The following SPATC1L variants were observed in gnomAD, a reference collection of about 807,000 sequenced individuals.
The protein encoded by SPATC1L is speriolin-like protein.
Under a neutral mutation model 21.2 loss-of-function variants are expected in SPATC1L, and 20 were observed. That is an observed-to-expected ratio of 0.94 (90% CI 0.66 to 1.37). SPATC1L has a LOEUF of 1.37. Ranked by LOEUF, SPATC1L falls within the 40% of genes most tolerant of loss-of-function variation. The pLI is 0.00. For missense variants in SPATC1L, 499 were observed against 478.7 expected (o/e 1.04, Z -0.40); for synonymous variants, 290 against 234.5 (o/e 1.24, Z -2.16).
Position 46,161,804 on chromosome 21 carries a change from C to T in SPATC1L, c.697-99G>A, listed in dbSNP as rs1417692293. On this transcript the variant is annotated intron_variant, in intron 4 of 4. Coordinates refer to ENST00000291672, the MANE Select transcript of SPATC1L (RefSeq NM_001142854.2). ...TCCCTGCCCCGCCCGCCTGGGTCCC[C>T]GGGGTCCCCTCCTGCGGACAGTGCC... The T allele has an allele frequency of 5.3e-6, 8 of 1,497,620 alleles. No homozygotes were observed. In the East Asian group the frequency reaches 1.2e-4, roughly 23 times the overall value. 92.8% of individuals were successfully genotyped at this position (1,497,620 alleles called of 1,614,324 possible).
intron 2 of SPATC1L, among the ~76,000 whole-genome samples, chr21:46,181,535 G>A (rs1366572667): frequency 6.6e-6 from 1 of 152,222 alleles, no homozygotes; most frequent in Admixed American, 6.5e-5. Flanking sequence ...GCTGCGGAGA[G>A]TGCCTCCTGC....
chr21:46,162,149 G>A (rs2079503823), intron 3 of SPATC1L, 82 bp from the exon 4 acceptor site: 5 of 1,421,812 alleles, frequency 3.5e-6, no homozygotes, highest in South Asian at 1.4e-5. Context: ...CACGTGGGGG[G>A]CGGCTCCTCC....
At chr21:46,163,022 C>T (rs980551533) in intron 3 of SPATC1L, among the ~76,000 whole-genome samples, 1 of 152,226 alleles carries the variant, frequency 6.6e-6, no homozygotes, top group Admixed American at 6.5e-5. Context: ...TGACCTTGTC[C>T]ATCTTTTTCC....
intron 2 of SPATC1L, among the ~76,000 whole-genome samples, chr21:46,181,902 A>G (rs1035526278): frequency 6.6e-6 from 1 of 152,210 alleles, no homozygotes; most frequent in Non-Finnish European, 1.5e-5. Context: ...ACCCCAAATC[A>G]CATGCAGGAA....
rs558028829 is a variant in SPATC1L at position 46,162,459 on chromosome 21, T to C, written c.545-392A>G. On this transcript the variant is annotated intron_variant, in intron 3 of 4. Transcript: ENST00000291672. ...GCCCGTGGAACAGGGCCGGTCGGCT[T>C]GGCTGGGAGGAAGGGGGAGAGTTCT... Among the ~76,000 whole-genome samples the C allele has an allele frequency of 1.4e-4, 21 of 152,186 alleles. No homozygotes were observed. The South Asian group carries it at 4.3e-3, about 32-fold the overall frequency.
intron 2 of SPATC1L, among the ~76,000 whole-genome samples, chr21:46,181,781 G>A (rs1489638055): frequency 2.0e-5 from 3 of 152,190 alleles, no homozygotes; most frequent in African/African-American, 7.2e-5. Context: ...TCCGGGCCCG[G>A]CCCGGTGGGA....
intron 2 of SPATC1L, among the ~76,000 whole-genome samples, chr21:46,172,082 T>C: frequency 7.5e-6 from 1 of 133,406 alleles, no homozygotes; most frequent in South Asian, 2.5e-4. Flanking sequence ...AGGCGGGGGA[T>C]GCACAGAGCA....
At chr21:46,163,122 T>G (rs187425009) in intron 3 of SPATC1L, among the ~76,000 whole-genome samples, 1 of 152,220 alleles carries the variant, frequency 6.6e-6, no homozygotes, top group Admixed American at 6.5e-5. Context: ...ATTTATATAC[T>G]GTATCTTCTT....
In SPATC1L at chr21:46,161,491, C is replaced by G; in HGVS notation, c.911G>C (p.Arg304Pro). ...NPLHSSPAAL[R>P]KLVIDVVPPK... ...GGGCACCACGTCGATGACCAGCTTG[C>G]GCAGCGCGGCCGGGCTGCTGTGCAG... Residue 304 changes from arginine (R) to proline (P), a missense_variant, in exon 5 of 5, where the codon CGC becomes CCC. Arg to Pro is a moderately radical substitution (Grantham distance 103). Transcript: ENST00000291672. The G allele has an allele frequency of 1.2e-6, 2 of 1,605,708 alleles. No homozygotes were observed. The highest frequency in any genetic ancestry group is 4.5e-5 in the East Asian group (2 of 44,602).
chr21:46,181,805 C>T (rs1350478942), intron 2 of SPATC1L, among the ~76,000 whole-genome samples: 2 of 152,094 alleles, frequency 1.3e-5, no homozygotes, highest in Non-Finnish European at 2.9e-5. Context: ...TGAGGTTGGC[C>T]GTGGGAATCC....
intron 2 of SPATC1L, among the ~76,000 whole-genome samples, chr21:46,169,157 T>C (rs2079563286): frequency 6.6e-6 from 1 of 152,282 alleles, no homozygotes; most frequent in African/African-American, 2.4e-5. Flanking sequence ...ACTGAATTTT[T>C]AACCCTTGCC....
At chr21:46,163,352 G>T (rs1374694211) in intron 3 of SPATC1L, among the ~76,000 whole-genome samples, 1 of 152,152 alleles carries the variant, frequency 6.6e-6, no homozygotes, top group African/African-American at 2.4e-5. Flanking sequence ...TACTTTTGAT[G>T]AAGTCCAATT....
At chr21:46,175,312 A>T (rs1026616973) in intron 2 of SPATC1L, among the ~76,000 whole-genome samples, 3 of 152,170 alleles carry the variant, frequency 2.0e-5, no homozygotes, top group African/African-American at 7.2e-5. Context: ...ACCAAAATCA[A>T]AGCTGAACTG....
chr21:46,172,783 G>A (rs958874747), intron 2 of SPATC1L, among the ~76,000 whole-genome samples: 15 of 152,360 alleles, frequency 9.8e-5, no homozygotes, highest in African/African-American at 3.1e-4. Context: ...CATCTTCAGA[G>A]GGAAGGTGCT....
At position 46,163,590 on chromosome 21, in the gene SPATC1L, C is replaced by A. The variant is rs28826004; in HGVS notation, c.545-1523G>T. 2.6e-5 allele frequency among the ~76,000 whole-genome samples: 4 copies of A among 152,322 alleles called. No homozygotes were observed. In the South Asian group the frequency reaches 8.3e-4, roughly 32 times the overall value. On this transcript the variant is annotated intron_variant, in intron 3 of 4. Coordinates refer to ENST00000291672, the MANE Select transcript of SPATC1L (RefSeq NM_001142854.2). The stretch of plus-strand genomic sequence containing the variant: ...TGGATACCTCTTTGTTCCAGCACCA[C>A]GCGTTAGACAGTATTCAGTCCCTCC...
Position 46,164,021 on chromosome 21 carries a change from T to G in SPATC1L, c.545-1954A>C, listed in dbSNP as rs551075131. Among the ~76,000 whole-genome samples the G allele has an allele frequency of 2.5e-4, 38 of 152,304 alleles. No individual in the cohort carries two copies. The Middle Eastern group carries it at 0.014, about 55-fold the overall frequency. On this transcript the variant is annotated intron_variant, in intron 3 of 4. Coordinates refer to ENST00000291672, the MANE Select transcript of SPATC1L (RefSeq NM_001142854.2). ...TTATTTATTGTTTGTTTGTTTGTTT[T>G]TTTGAAGAAAGGGTCTCGCTCTGTC...
chr21:46,164,810 A>C (rs1266246972), intron 3 of SPATC1L, among the ~76,000 whole-genome samples: 1 of 151,646 alleles, frequency 6.6e-6, no homozygotes, highest in East Asian at 1.9e-4. Context: ...AAAAAAAAAA[A>C]AGAATCAAGC....
At chr21:46,163,040 C>G (rs575527366) in intron 3 of SPATC1L, among the ~76,000 whole-genome samples, 1 of 152,194 alleles carries the variant, frequency 6.6e-6, no homozygotes, top group Admixed American at 6.5e-5. Context: ...TCCTGGAGGA[C>G]GGGAAACAGT....
rs557963450 is a variant in SPATC1L at position 46,182,772 on chromosome 21, G to A, written c.45C>T (p.Asn15=). 1.4e-4 allele frequency: 217 copies of A among 1,547,112 alleles called. No individual in the cohort carries two copies. The highest frequency in any genetic ancestry group is 2.9e-4 in the Admixed American group (15 of 50,912). Reference sequence around the variant, plus strand: ...GGCGCACCTGCTTCTTCAGGTCCGCGTTCTCGCTCAGGAGCCGGCTCATCA... The same window carrying A: ...GGCGCACCTGCTTCTTCAGGTCCGCATTCTCGCTCAGGAGCCGGCTCATCA... The part of the protein sequence containing the change: ...GELMSRLLSE[N]ADLKKQVRLL... The change falls in exon 2 of 5, where the codon AAC becomes AAT. Residue 15 remains asparagine, a synonymous_variant. Transcript: ENST00000291672.
Sources: allele counts gnomAD v4.1 joint callset (sites outside exome capture counted in the v4.1 genomes callset), GRCh38; gene constraint gnomAD v4.1.1; transcripts MANE v1.5; gene names NCBI Gene and HGNC (gene_info 2026-07-23, HGNC 2026-07-21).